The following HPF1 variants were observed in gnomAD, a reference collection of about 807,000 sequenced individuals.
The protein encoded by HPF1 is histone PARylation factor 1, also known as UPF0609 protein C4orf27.
A neutral mutation model predicts 38.8 loss-of-function variants in HPF1; 35 were observed. The ratio of observed to expected loss-of-function variants is 0.90; its 90% CI spans 0.69 to 1.19. HPF1 has a LOEUF of 1.19. Ranked by LOEUF, HPF1 falls within the 50% of genes most tolerant of loss-of-function variation. HPF1 has a pLI of 0.00. For synonymous variants in HPF1, 115 were observed against 139.2 expected, an observed-to-expected ratio of 0.83 and a Z score of 1.22; for missense variants, 367 against 405.8, an observed-to-expected ratio of 0.90 and a Z score of 0.82.
At chr4:169,737,304 A>AC (rs1447257355) in intron 6 of HPF1, among the ~76,000 whole-genome samples, 47 of 143,726 alleles carry the variant, frequency 3.3e-4, no homozygotes, top group East Asian at 1.2e-3. Flanking sequence ...AAAAAAAAAA[A>AC]AAACAAACAA....
chr4:169,743,865 A>G (rs1734011668), intron 4 of HPF1, among the ~76,000 whole-genome samples: 1 of 151,382 alleles, frequency 6.6e-6, no homozygotes, highest in Admixed American at 6.6e-5. Flanking sequence ...TCTTAGCTTC[A>G]TTGTACTTAT....
intron 5 of HPF1, among the ~76,000 whole-genome samples, chr4:169,740,412 T>A (rs1273887356): frequency 6.6e-6 from 1 of 152,324 alleles, no homozygotes; most frequent in African/African-American, 2.4e-5. Flanking sequence ...TAAGTTACTA[T>A]CAGTATAAAA....
chr4:169,757,904 C>G lies in HPF1; in HGVS notation c.-27G>C. 6.5e-7 allele frequency: 1 copy of G among 1,541,170 alleles called. No homozygotes were observed. Among genetic ancestry groups the G allele is most frequent in the Non-Finnish European group, 8.7e-7 (1 of 1,148,712 alleles). ...CTGCAGCTGCAGCGCCAGCAGAATT[C>G]CCCGATCCGCGGCCGCTTCCGAGCG... On this transcript the variant is annotated 5_prime_UTR_variant, in exon 1 of 8. Transcript: ENST00000393381.
intron 5 of HPF1, among the ~76,000 whole-genome samples, chr4:169,741,181 T>C (rs1300907510): frequency 6.6e-6 from 1 of 152,250 alleles, no homozygotes; most frequent in Non-Finnish European, 1.5e-5. Context: ...TAGGATTTAA[T>C]GCCTAAGTAC....
rs1734104891 is a variant in HPF1, at chr4:169,750,606, A to G, written c.328T>C (p.Tyr110His). The G allele has an allele frequency of 1.2e-6, 2 of 1,612,926 alleles. No individual in the cohort carries two copies. The highest frequency in any genetic ancestry group is 2.2e-5 in the South Asian group (2 of 90,984). Residue 110 changes from tyrosine to histidine, a missense_variant, in exon 3 of 8, where the codon TAT (tyrosine) becomes CAT (histidine). Transcript: ENST00000393381. ...LNFNLHWRFY[Y>H]DPPEFQTIII... ...ATGGTCTGGAACTCAGGAGGATCAT[A>G]GTAAAACCTCCAGTGAAGGTTAAAA...
rs570436995 is a variant in HPF1 at position 169,755,780 on chromosome 4, G to A, written c.49-1945C>T. Among the ~76,000 whole-genome samples the A allele has an allele frequency of 4.6e-5, 7 of 152,326 alleles. No individual in the cohort carries two copies. In the East Asian group the frequency reaches 7.7e-4, roughly 17 times the overall value. Reference sequence around the variant, plus strand: ...ATAAGCCTATTTTTAAAAGGCAAGGGAAAACAAAATTCAGGATAGCTACAC... The same window carrying A: ...ATAAGCCTATTTTTAAAAGGCAAGGAAAAACAAAATTCAGGATAGCTACAC... On this transcript the variant is annotated intron_variant, in intron 1 of 7. Coordinates refer to ENST00000393381, the MANE Select transcript of HPF1 (RefSeq NM_017867.3).
chr4:169,737,149 G>A (rs1733906505), intron 6 of HPF1, among the ~76,000 whole-genome samples: 1 of 151,990 alleles, frequency 6.6e-6, no homozygotes, highest in Admixed American at 6.6e-5. Context: ...AATTAGCTGG[G>A]CATGGTGGTG....
At position 169,731,529 on chromosome 4, in the gene HPF1, C is replaced by A. The variant is rs146144445; in HGVS notation, c.909+175G>T. ...TGAGTTTAAAACATTTTTAGGACATCTACGTTAAAAAAAATCACTTCAAAA... is the reference window on the plus strand; with the variant it reads ...TGAGTTTAAAACATTTTTAGGACATATACGTTAAAAAAAATCACTTCAAAA... On this transcript the variant is annotated intron_variant, in intron 7 of 7. Coordinates refer to ENST00000393381, the MANE Select transcript of HPF1 (RefSeq NM_017867.3). Among the ~76,000 whole-genome samples, 12 of 152,148 alleles carry A rather than the reference C, an allele frequency of 7.9e-5. No homozygotes were observed. In the East Asian group the frequency reaches 2.3e-3, roughly 29 times the overall value.
chr4:169,729,760 T>A, intron 7 of HPF1, 51 bp from the exon 8 acceptor site: 1 of 1,269,688 alleles, frequency 7.9e-7, no homozygotes, highest in Non-Finnish European at 1.0e-6. Flanking sequence ...GATATCCTAA[T>A]AAGTAGCAGA....
intron 2 of HPF1, among the ~76,000 whole-genome samples, chr4:169,753,028 G>GTT (rs71590035): frequency 0.61 from 63,342 of 103,452 alleles, 22,343 homozygotes; most frequent in East Asian, 0.79. Context: ...CCTTGGTTAG[G>GTT]TTTTTTTTTT....
At chr4:169,741,452 C>A (rs776539242) in intron 5 of HPF1, among the ~76,000 whole-genome samples, 3 of 152,068 alleles carry the variant, frequency 2.0e-5, no homozygotes, top group Non-Finnish European at 4.4e-5. Flanking sequence ...AAATCTATAG[C>A]TGAAAAACCA....
At chr4:169,752,167 A>G (rs1734127536) in intron 2 of HPF1, among the ~76,000 whole-genome samples, 1 of 104,262 alleles carries the variant, frequency 9.6e-6, no homozygotes, top group Admixed American at 1.3e-4. Context: ...TACAGGCATG[A>G]CTTTTTTTTT....
intron 4 of HPF1, among the ~76,000 whole-genome samples, chr4:169,744,647 GA>G (rs1257417782): frequency 4.6e-5 from 7 of 152,010 alleles, no homozygotes; most frequent in African/African-American, 1.7e-4. Context: ...ATAACATTAT[GA>G]AAAAAAGCTA....
chr4:169,743,064 G>A (rs1446577529), intron 4 of HPF1, among the ~76,000 whole-genome samples: 3 of 151,666 alleles, frequency 2.0e-5, no homozygotes, highest in Non-Finnish European at 4.4e-5. Flanking sequence ...AGCCGAGATC[G>A]TGCCACTGCA....
rs972966907 is a variant in HPF1, at chr4:169,751,276, G to A, written c.209-551C>T. On this transcript the variant is annotated intron_variant, in intron 2 of 7. Transcript: ENST00000393381. ...AAATTAGCCGGGTGTGGTGGCTCAC[G>A]CCTGTAATCCCAGCTATTGGAGAGG... 1.1e-3 allele frequency among the ~76,000 whole-genome samples: 161 copies of A among 151,910 alleles called. 1 individual carries two copies. The highest frequency in any genetic ancestry group is 3.5e-3 in the African/African-American group (145 of 41,434).
At chr4:169,748,104 C>T (rs540911246) in intron 4 of HPF1, among the ~76,000 whole-genome samples, 6 of 152,302 alleles carry the variant, frequency 3.9e-5, no homozygotes, top group African/African-American at 1.4e-4. Flanking sequence ...ATAATGACCA[C>T]CTCTTTTTAC....
At chr4:169,749,577 T>A (rs1447291449) in intron 3 of HPF1, among the ~76,000 whole-genome samples, 1 of 152,074 alleles carries the variant, frequency 6.6e-6, no homozygotes, top group Non-Finnish European at 1.5e-5. Flanking sequence ...GTTGATGCCT[T>A]TTTTATAAGG....
chr4:169,755,964 AAC>A (rs1205651366), intron 1 of HPF1, among the ~76,000 whole-genome samples: 2 of 152,346 alleles, frequency 1.3e-5, no homozygotes, highest in East Asian at 3.9e-4. Context: ...TGAATATGGT[AAC>A]AGTTTATTAT....
At position 169,735,600 on chromosome 4, in the gene HPF1, C is replaced by T. The variant is rs1271486545; in HGVS notation, c.736+2060G>A. On this transcript the variant is annotated intron_variant, in intron 6 of 7. Coordinates refer to ENST00000393381, the MANE Select transcript of HPF1 (RefSeq NM_017867.3). Reference sequence around the variant, plus strand: ...CTACCGCAGGGTAACAGGCTTTACTCCAGGGCACTACAATTTAACATCCAT... The same window carrying T: ...CTACCGCAGGGTAACAGGCTTTACTTCAGGGCACTACAATTTAACATCCAT... 3.3e-5 allele frequency among the ~76,000 whole-genome samples: 5 copies of T among 152,150 alleles called. No homozygotes were observed. The East Asian group carries it at 7.7e-4, about 23-fold the overall frequency.
Sources: allele counts gnomAD v4.1 joint callset (sites outside exome capture counted in the v4.1 genomes callset), GRCh38; gene constraint gnomAD v4.1.1; transcripts MANE v1.5; gene names NCBI Gene and HGNC (gene_info 2026-07-23, HGNC 2026-07-21).